The following ADARB2 variants were observed in gnomAD, a reference collection of about 807,000 sequenced individuals.
ADARB2 encodes inactive double-stranded RNA-specific editase B2.
In ADARB2, 25 loss-of-function variants were observed where a neutral mutation model predicts 62.2. The observed-to-expected ratio is 0.40, with a 90% CI of 0.29 to 0.56. The LOEUF is 0.56. ADARB2 is among the 20% of genes least tolerant of loss of function. ADARB2 has a pLI of 0.43. For missense variants in ADARB2, 1,071 were observed against 1,077.4 expected (o/e 0.99, Z 0.08); for synonymous variants, 572 against 500.8 (o/e 1.14, Z -1.90).
rs148391529 is a variant in ADARB2 at position 1,721,301 on chromosome 10, G to C, written c.100+15750C>G. Among the ~76,000 whole-genome samples, 508 of 152,332 alleles carry C rather than the reference G, an allele frequency of 3.3e-3. 3 individuals are homozygous for C. The highest frequency in any genetic ancestry group is 0.012 in the African/African-American group (488 of 41,568). ...ATATTGCAAGAGGTGACATTTTGCTGTATGTGTTCAGATAAGACCAAACGA... is the reference window on the plus strand; with the variant it reads ...ATATTGCAAGAGGTGACATTTTGCTCTATGTGTTCAGATAAGACCAAACGA... On this transcript the variant is annotated intron_variant, in intron 1 of 9. Coordinates refer to ENST00000381312, the MANE Select transcript of ADARB2 (RefSeq NM_018702.4).
At chr10:1,633,431 G>T (rs752599799) in intron 1 of ADARB2, among the ~76,000 whole-genome samples, 1 of 152,160 alleles carries the variant, frequency 6.6e-6, no homozygotes, top group Admixed American at 6.5e-5. Flanking sequence ...GAGTGTGGAC[G>T]CTGAACTGAT....
intron 1 of ADARB2, among the ~76,000 whole-genome samples, chr10:1,560,580 G>C (rs1232557666): frequency 4.4e-5 from 1 of 22,914 alleles, no homozygotes; most frequent in African/African-American, 7.7e-5. Flanking sequence ...GTGAACACAC[G>C]GGGGGTGGGT....
At chr10:1,579,543 C>T (rs1833067861) in intron 1 of ADARB2, among the ~76,000 whole-genome samples, 1 of 152,156 alleles carries the variant, frequency 6.6e-6, no homozygotes, top group African/African-American at 2.4e-5. Flanking sequence ...ATTTGACAGT[C>T]AAGGGGTGGA....
intron 1 of ADARB2, among the ~76,000 whole-genome samples, chr10:1,440,150 G>T: frequency 6.6e-6 from 1 of 151,800 alleles, no homozygotes; most frequent in South Asian, 2.1e-4. Flanking sequence ...CAGGACAGAG[G>T]CAGGTCCTTC....
chr10:1,423,528 AGTT>A (rs1312150289), intron 1 of ADARB2, among the ~76,000 whole-genome samples: 1 of 152,054 alleles, frequency 6.6e-6, no homozygotes, highest in Admixed American at 6.5e-5. Context: ...TCCTAGGCCT[AGTT>A]GTCTTTGCTA....
chr10:1,375,787 T>C (rs377734082), intron 2 of ADARB2, among the ~76,000 whole-genome samples: 19 of 146,312 alleles, frequency 1.3e-4, no homozygotes, highest in Non-Finnish European at 2.1e-4. Context: ...TGCACACACA[T>C]GCACACACGC....
intron 3 of ADARB2, among the ~76,000 whole-genome samples, chr10:1,314,594 G>T (rs1057164924): frequency 3.3e-5 from 5 of 152,158 alleles, no homozygotes; most frequent in African/African-American, 9.7e-5. Flanking sequence ...TCTGACCCAC[G>T]TGACAGACCT....
At chr10:1,308,455 A>T (rs1285669376) in intron 3 of ADARB2, among the ~76,000 whole-genome samples, 1 of 152,222 alleles carries the variant, frequency 6.6e-6, no homozygotes, top group Non-Finnish European at 1.5e-5. Context: ...AAGCTACTAT[A>T]AACATCCATG....
At chr10:1,736,941 C>T in intron 1 of ADARB2, 110 bp downstream of exon 1, 1 of 1,148,014 alleles carries the variant, frequency 8.7e-7, no homozygotes, top group East Asian at 2.5e-5. Flanking sequence ...CCGCCAGCAC[C>T]CCAAAGTGAA....
chr10:1,337,042 C>T (rs1334964981), intron 3 of ADARB2, among the ~76,000 whole-genome samples: 1 of 145,594 alleles, frequency 6.9e-6, no homozygotes, highest in African/African-American at 2.6e-5. Flanking sequence ...AAGATTTTTC[C>T]CTTTTTTACT....
chr10:1,464,705 T>C (rs373648853), intron 1 of ADARB2, among the ~76,000 whole-genome samples: 4 of 34,284 alleles, frequency 1.2e-4, no homozygotes, highest in African/African-American at 2.7e-4. Flanking sequence ...CAGCGGGCAG[T>C]GCACTGGAGA....
chr10:1,400,938 G>A (rs954406137), intron 1 of ADARB2, among the ~76,000 whole-genome samples: 1 of 152,158 alleles, frequency 6.6e-6, no homozygotes, highest in Non-Finnish European at 1.5e-5. Flanking sequence ...GGCCGGGAAC[G>A]ACCTCAAGGC....
At chr10:1,212,007 G>A (rs1001819831) in intron 7 of ADARB2, among the ~76,000 whole-genome samples, 5 of 152,120 alleles carry the variant, frequency 3.3e-5, no homozygotes, top group Admixed American at 6.5e-5. Context: ...ATCCTGCGCC[G>A]GGCATGGTGC....
At chr10:1,497,883 G>A (rs1180035426) in intron 1 of ADARB2, among the ~76,000 whole-genome samples, 1 of 152,108 alleles carries the variant, frequency 6.6e-6, no homozygotes, top group East Asian at 1.9e-4. Context: ...TTCCTGGAGG[G>A]CATGGAAGTT....
At chr10:1,716,154 C>G (rs1483713792) in intron 1 of ADARB2, among the ~76,000 whole-genome samples, 1 of 152,234 alleles carries the variant, frequency 6.6e-6, no homozygotes, top group African/African-American at 2.4e-5. Context: ...ATACTCCTCG[C>G]CCGACTGCTT....
intron 1 of ADARB2, among the ~76,000 whole-genome samples, chr10:1,651,305 T>A (rs1384894475): frequency 5.3e-5 from 8 of 152,228 alleles, no homozygotes; most frequent in African/African-American, 1.9e-4. Context: ...GAGCCCTGGC[T>A]CGGCGAAGGC....
At chr10:1,384,286 G>T (rs910526983) in intron 1 of ADARB2, among the ~76,000 whole-genome samples, 2 of 152,152 alleles carry the variant, frequency 1.3e-5, no homozygotes, top group Non-Finnish European at 2.9e-5. Context: ...AGCAGAGTGG[G>T]GCACAGTGAG....
At chr10:1,262,467 T>C (rs1831150920) in intron 4 of ADARB2, among the ~76,000 whole-genome samples, 2 of 151,892 alleles carry the variant, frequency 1.3e-5, no homozygotes, top group South Asian at 4.2e-4. Flanking sequence ...CATGAAAAAG[T>C]GGGCGAAGGT....
intron 1 of ADARB2, among the ~76,000 whole-genome samples, chr10:1,481,215 A>G (rs1212901161): frequency 6.6e-6 from 1 of 152,262 alleles, no homozygotes; most frequent in Non-Finnish European, 1.5e-5. Flanking sequence ...CAATGCAGAA[A>G]GGATAGTCTT....
Sources: allele counts gnomAD v4.1 joint callset (sites outside exome capture counted in the v4.1 genomes callset), GRCh38; gene constraint gnomAD v4.1.1; transcripts MANE v1.5; gene names NCBI Gene and HGNC (gene_info 2026-07-23, HGNC 2026-07-21).